Variants in CHODL observed in about 807,000 individuals in gnomAD.
CHODL encodes transmembrane protein MT75.
In CHODL, 29 loss-of-function variants were observed where a neutral mutation model predicts 34.5. The ratio of observed to expected loss-of-function variants is 0.84; its 90% CI spans 0.63 to 1.15. The LOEUF (loss-of-function observed/expected upper bound fraction) is 1.15, where lower values mean the gene tolerates loss of function less well. Among genes scored for constraint, CHODL ranks in the 50% most tolerant of loss-of-function variants. The pLI is 0.00. For synonymous variants in CHODL, 125 were observed against 116.1 expected, an observed-to-expected ratio of 1.08 and a Z score of -0.49; for missense variants, 332 against 332.5, an observed-to-expected ratio of 1.00 and a Z score of 0.01.
chr21:17,976,810 A>G (rs967908624), intron 1 of CHODL, among the ~76,000 whole-genome samples: 3 of 152,198 alleles, frequency 2.0e-5, no homozygotes, highest in African/African-American at 7.2e-5. Flanking sequence ...GTAGGTCAGT[A>G]TCAACCTGAA....
chr21:17,925,429 G>C (rs1032516358), intron 1 of CHODL, among the ~76,000 whole-genome samples: 3 of 152,108 alleles, frequency 2.0e-5, no homozygotes, highest in African/African-American at 7.2e-5. Context: ...TGTAAATTTG[G>C]CCACACATTT....
intron 2 of CHODL, among the ~76,000 whole-genome samples, chr21:18,075,471 T>C (rs138438791): frequency 5.3e-5 from 8 of 152,296 alleles, no homozygotes; most frequent in Admixed American, 4.6e-4. Context: ...CACTCTTGGA[T>C]TGACCCTTCA....
At chr21:18,003,132 AAAAC>A (rs1295488280) in intron 1 of CHODL, among the ~76,000 whole-genome samples, 11 of 128,994 alleles carry the variant, frequency 8.5e-5, no homozygotes, top group Admixed American at 3.1e-4. Flanking sequence ...AAAAAAAAAA[AAAAC>A]AAAAAAAAAA....
intron 2 of CHODL, among the ~76,000 whole-genome samples, chr21:18,209,487 C>T (rs1041885990): frequency 2.0e-5 from 3 of 152,134 alleles, no homozygotes; most frequent in Non-Finnish European, 4.4e-5. Context: ...CTAGAACTGG[C>T]AACCTCAAGA....
intron 1 of CHODL, among the ~76,000 whole-genome samples, chr21:17,968,338 C>CGA (rs1428505929): frequency 9.2e-5 from 14 of 152,262 alleles, no homozygotes; most frequent in Non-Finnish European, 1.9e-4. Context: ...ACTGTTTTCC[C>CGA]TCTGTACCTT....
At chr21:18,140,938 G>A (rs1406507779) in intron 2 of CHODL, among the ~76,000 whole-genome samples, 2 of 151,998 alleles carry the variant, frequency 1.3e-5, no homozygotes, top group Non-Finnish European at 1.5e-5. Flanking sequence ...GAATGTTCTG[G>A]CACAGATATT....
chr21:17,990,301 T>C (rs1353283096), intron 1 of CHODL, among the ~76,000 whole-genome samples: 1 of 152,144 alleles, frequency 6.6e-6, no homozygotes, highest in Non-Finnish European at 1.5e-5. Context: ...GTCTTCACAC[T>C]GTACACACAC....
intron 2 of CHODL, among the ~76,000 whole-genome samples, chr21:18,097,919 C>A (rs907096658): frequency 1.8e-4 from 28 of 152,014 alleles, no homozygotes; most frequent in African/African-American, 6.5e-4. Flanking sequence ...ATTCACACAC[C>A]TGCAGTAAAT....
intron 2 of CHODL, among the ~76,000 whole-genome samples, chr21:18,195,492 G>A (rs1033355982): frequency 3.9e-5 from 6 of 152,040 alleles, no homozygotes; most frequent in South Asian, 2.1e-4. Flanking sequence ...CTCAGCAACC[G>A]CCATTCTACT....
chr21:17,927,800 A>G (rs552682295), intron 1 of CHODL, among the ~76,000 whole-genome samples: 1 of 152,348 alleles, frequency 6.6e-6, no homozygotes, highest in South Asian at 2.1e-4. Flanking sequence ...TAGTAGGTTT[A>G]TCTTTTATAT....
intron 2 of CHODL, among the ~76,000 whole-genome samples, chr21:18,212,929 A>G (rs2073788503): frequency 6.6e-6 from 1 of 152,172 alleles, no homozygotes; most frequent in East Asian, 1.9e-4. Flanking sequence ...GCCTATGTCC[A>G]TCATGTTATT....
intron 1 of CHODL, among the ~76,000 whole-genome samples, chr21:17,947,168 T>C (rs1186527684): frequency 1.3e-5 from 2 of 152,108 alleles, no homozygotes; most frequent in East Asian, 3.8e-4. Context: ...CTTGTTCTGA[T>C]CATAATGGTT....
At chr21:18,152,633 A>G (rs1194136585) in intron 2 of CHODL, among the ~76,000 whole-genome samples, 3 of 152,242 alleles carry the variant, frequency 2.0e-5, no homozygotes, top group Non-Finnish European at 4.4e-5. Context: ...AAAACATGGC[A>G]GTTACTTCTT....
intron 2 of CHODL, among the ~76,000 whole-genome samples, chr21:18,125,417 A>G (rs2065530015): frequency 1.3e-5 from 2 of 152,186 alleles, no homozygotes; most frequent in Non-Finnish European, 2.9e-5. Context: ...TTCCAAATGA[A>G]TCAGAGTCAA....
chr21:18,186,228 G>T (rs2073439656), intron 2 of CHODL, among the ~76,000 whole-genome samples: 2 of 152,072 alleles, frequency 1.3e-5, no homozygotes, highest in Admixed American at 6.6e-5. Flanking sequence ...TTTTGCAAAA[G>T]TCTCAGAAAA....
intron 2 of CHODL, among the ~76,000 whole-genome samples, chr21:18,129,505 AG>A (rs1176615813): frequency 2.6e-5 from 4 of 152,204 alleles, no homozygotes; most frequent in Non-Finnish European, 5.9e-5. Context: ...AGAGCCGCAG[AG>A]GAAATTCTAT....
intron 5 of CHODL, among the ~76,000 whole-genome samples, chr21:18,265,611 A>T (rs971657280): frequency 6.6e-6 from 1 of 152,108 alleles, no homozygotes; most frequent in Admixed American, 6.5e-5. Context: ...AAATTTCACA[A>T]ATCACCACTA....
At chr21:18,263,012 A>T (rs1223413662) in intron 5 of CHODL, 119 bp downstream of exon 5, 4 of 611,446 alleles carry the variant, frequency 6.5e-6, no homozygotes, top group African/African-American at 3.7e-5. Context: ...AATCCTATAC[A>T]TACAATCTAA....
At chr21:18,205,493 T>C (rs541433871) in intron 2 of CHODL, among the ~76,000 whole-genome samples, 6 of 152,258 alleles carry the variant, frequency 3.9e-5, no homozygotes, top group Admixed American at 1.3e-4. Flanking sequence ...TTTCTTTTCT[T>C]CTACTAAGTT....
Sources: gnomAD v4.1 joint callset for allele counts (sites outside exome capture counted in the v4.1 genomes callset) on GRCh38, gnomAD v4.1.1 for gene constraint, MANE v1.5 for transcripts, NCBI Gene and HGNC (gene_info 2026-07-23, HGNC 2026-07-21) for gene names.